Variants in CPEB1 observed in about 807,000 individuals in gnomAD.
The protein encoded by CPEB1 is cytoplasmic polyadenylation element binding protein 1, also known as cytoplasmic polyadenylation element-binding protein 1.
Under a neutral mutation model 65.8 loss-of-function variants are expected in CPEB1, and 7 were observed. The observed-to-expected ratio is 0.11, with a 90% CI of 0.06 to 0.20. The LOEUF (loss-of-function observed/expected upper bound fraction) is 0.20. CPEB1 is among the 10% of genes least tolerant of loss of function. CPEB1 has a pLI of 1.00. For synonymous variants in CPEB1, 262 were observed against 260.0 expected (o/e 1.01, Z -0.08); for missense variants, 551 against 712.2 (o/e 0.77, Z 2.58).
intron 3 of CPEB1, among the ~76,000 whole-genome samples, chr15:82,578,974 C>T (rs1241106729): frequency 2.0e-5 from 3 of 152,056 alleles, no homozygotes; most frequent in Admixed American, 2.0e-4. Flanking sequence ...TACACATGCA[C>T]CACCACGCCC....
In CPEB1 at chr15:82,549,342, T is replaced by C. The variant is rs1029157445; in HGVS notation, c.1480+118A>G. On this transcript the variant is annotated intron_variant, in intron 10 of 12. Coordinates refer to ENST00000684509, the MANE Select transcript of CPEB1 (RefSeq NM_001365242.1). ...AGAAAAAGATATTATGGTGCTGGTA[T>C]ATGCTGATCTGCAGACCTGGGTCAG... The C allele has an allele frequency of 4.4e-6, 4 of 918,438 alleles. No individual in the cohort carries two copies. In the African/African-American group the frequency reaches 6.5e-5, roughly 15 times the overall value. The allele number at this position is 918,438 out of a possible 1,614,324, so 56.9% of individuals were successfully genotyped here.
intron 3 of CPEB1, among the ~76,000 whole-genome samples, chr15:82,615,526 G>A (rs1009218613): frequency 1.3e-5 from 2 of 152,142 alleles, no homozygotes; most frequent in African/African-American, 4.8e-5. Flanking sequence ...CAGACAGAAT[G>A]GCATAAAGGG....
intron 3 of CPEB1, among the ~76,000 whole-genome samples, chr15:82,599,311 CGATA>C (rs1321198130): frequency 6.6e-6 from 1 of 152,046 alleles, no homozygotes; most frequent in Non-Finnish European, 1.5e-5. Context: ...CAACCCTTCA[CGATA>C]GGTACTAGTA....
chr15:82,570,352 G>C (rs919269742), intron 4 of CPEB1, among the ~76,000 whole-genome samples: 1 of 152,086 alleles, frequency 6.6e-6, no homozygotes, highest in African/African-American at 2.4e-5. Flanking sequence ...CCCACTGTCA[G>C]TACCAACAGC....
At chr15:82,615,147 A>C (rs1003072507) in intron 3 of CPEB1, among the ~76,000 whole-genome samples, 2 of 152,242 alleles carry the variant, frequency 1.3e-5, no homozygotes, top group African/African-American at 4.8e-5. Context: ...GGTCATCTGC[A>C]TTCAGAGCCT....
At chr15:82,639,841 G>A (rs1046013389) in intron 1 of CPEB1, among the ~76,000 whole-genome samples, 4 of 148,366 alleles carry the variant, frequency 2.7e-5, no homozygotes, top group African/African-American at 5.2e-5. Flanking sequence ...AGACACACAC[G>A]CGCAAACACT....
chr15:82,616,527 C>T (rs189686761), intron 3 of CPEB1, among the ~76,000 whole-genome samples: 2 of 151,354 alleles, frequency 1.3e-5, no homozygotes, highest in South Asian at 2.1e-4. Context: ...TTTTACATTC[C>T]TCTTTTTAAA....
upstream of CPEB1, chr15:82,647,993 T>G (rs2047723426): frequency 4.0e-6 from 3 of 759,066 alleles, no homozygotes; most frequent in Non-Finnish European, 5.3e-6. Flanking sequence ...CGGCAGCTTA[T>G]GAAGCTCCTA....
intron 1 of CPEB1, among the ~76,000 whole-genome samples, chr15:82,637,154 T>C (rs956342339): frequency 6.6e-6 from 1 of 152,218 alleles, no homozygotes; most frequent in Non-Finnish European, 1.5e-5. Flanking sequence ...ACCAAGATTT[T>C]CAATTTCTCT....
At chr15:82,562,154 C>CT (rs66642827) in intron 4 of CPEB1, 6,552 of 414,458 alleles carry the variant, frequency 0.016, 6 homozygotes, top group South Asian at 0.021. Flanking sequence ...TCACTAGCTA[C>CT]TTTTTTTTTT....
intron 3 of CPEB1, among the ~76,000 whole-genome samples, chr15:82,624,263 TG>T (rs2045564677): frequency 6.6e-6 from 1 of 152,150 alleles, no homozygotes; most frequent in African/African-American, 2.4e-5. Context: ...TGGGAGGGGC[TG>T]GGTATACGTG....
chr15:82,603,338 C>T (rs2043282013), intron 3 of CPEB1, among the ~76,000 whole-genome samples: 2 of 149,954 alleles, frequency 1.3e-5, no homozygotes, highest in South Asian at 4.4e-4. Flanking sequence ...CCAGCCATTT[C>T]CCATTTCCCA....
At chr15:82,585,431 A>G (rs1188766072) in intron 3 of CPEB1, among the ~76,000 whole-genome samples, 1 of 152,210 alleles carries the variant, frequency 6.6e-6, no homozygotes, top group Non-Finnish European at 1.5e-5. Context: ...ATTTAAATGA[A>G]ACATCACATT....
intron 3 of CPEB1, among the ~76,000 whole-genome samples, chr15:82,574,768 T>C (rs987772114): frequency 7.3e-6 from 1 of 136,898 alleles, no homozygotes; most frequent in Admixed American, 7.6e-5. Context: ...ACCATGTTCA[T>C]GTACTGGAAG....
At chr15:82,603,147 G>A (rs2043265322) in intron 3 of CPEB1, among the ~76,000 whole-genome samples, 1 of 151,892 alleles carries the variant, frequency 6.6e-6, no homozygotes. Context: ...CTACAACCCT[G>A]AAAACCAGCA....
intron 3 of CPEB1, among the ~76,000 whole-genome samples, chr15:82,587,687 G>T (rs1479363903): frequency 6.6e-6 from 1 of 152,100 alleles, no homozygotes; most frequent in Non-Finnish European, 1.5e-5. Flanking sequence ...ATAATTTTAA[G>T]AAATTAAAAT....
At chr15:82,625,261 T>C (rs147738309) in intron 3 of CPEB1, among the ~76,000 whole-genome samples, 2,698 of 152,214 alleles carry the variant, frequency 0.018, 30 homozygotes, top group Non-Finnish European at 0.026. Context: ...ATGACTTACA[T>C]TTTTCTTTTG....
At chr15:82,644,255 T>A (rs1450547852) in intron 1 of CPEB1, among the ~76,000 whole-genome samples, 1 of 152,200 alleles carries the variant, frequency 6.6e-6, no homozygotes, top group African/African-American at 2.4e-5. Context: ...TGCCTATAAA[T>A]GTGACCAGCT....
intron 3 of CPEB1, among the ~76,000 whole-genome samples, chr15:82,600,940 T>C (rs1445054203): frequency 1.4e-5 from 2 of 143,126 alleles, no homozygotes; most frequent in Non-Finnish European, 3.0e-5. Context: ...AGTTTTGCTC[T>C]ATTGCCCAGG....
Sources: gnomAD v4.1 joint callset for allele counts (sites outside exome capture counted in the v4.1 genomes callset) on GRCh38, gnomAD v4.1.1 for gene constraint, MANE v1.5 for transcripts, NCBI Gene and HGNC (gene_info 2026-07-23, HGNC 2026-07-21) for gene names.